CES5A: variants seen among roughly 807,000 people sequenced by gnomAD.
CES5A encodes the protein carboxylesterase 5.
Under a neutral mutation model 62.9 loss-of-function variants are expected in CES5A, and 67 were observed. The observed-to-expected ratio is 1.07, with a 90% CI of 0.88 to 1.31. The LOEUF (loss-of-function observed/expected upper bound fraction) is 1.31. CES5A is among the 50% of genes most tolerant of loss of function. The pLI is 0.00. For synonymous variants in CES5A, 296 were observed against 280.8 expected (o/e 1.05, Z -0.54); for missense variants, 748 against 708.5 (o/e 1.06, Z -0.63).
intron 5 of CES5A, among the ~76,000 whole-genome samples, chr16:55,864,712 T>C (rs778303763): frequency 6.6e-6 from 1 of 151,706 alleles, no homozygotes; most frequent in Non-Finnish European, 1.5e-5. Flanking sequence ...CTGGGCAATA[T>C]AGCTAGACCC....
At chr16:55,916,993 C>T (rs1433676011) in intron 1 of CES5A, among the ~76,000 whole-genome samples, 3 of 152,182 alleles carry the variant, frequency 2.0e-5, no homozygotes, top group African/African-American at 7.2e-5. Context: ...GACACCACAC[C>T]CTTCTGCTCT....
intron 2 of CES5A, among the ~76,000 whole-genome samples, chr16:55,931,552 G>C (rs947051497): frequency 6.6e-6 from 1 of 152,178 alleles, no homozygotes; most frequent in African/African-American, 2.4e-5. Flanking sequence ...CCACATTGCA[G>C]TCATTCTGGA....
rs140435669 is a variant in CES5A at position 55,944,402 on chromosome 16, C to T, written c.160+5383G>A. ...TTTTTGGGGAGAGGGAAGCCAGGGGCATCTTCTAGTCCCTGCAGTGCGGTC... is the reference window on the plus strand; with the variant it reads ...TTTTTGGGGAGAGGGAAGCCAGGGGTATCTTCTAGTCCCTGCAGTGCGGTC... On this transcript the variant is annotated intron_variant, in intron 2 of 13. Coordinates refer to the CES5A transcript ENST00000521992. The T allele has an allele frequency of 6.5e-5, 23 of 353,110 alleles. No homozygotes were observed. The East Asian group carries it at 8.4e-4, about 13-fold the overall frequency. 21.9% of individuals were successfully genotyped at this position (353,110 alleles called of 1,614,324 possible).
chr16:55,846,468 AAAAG>A lies in CES5A; in HGVS notation c.1707_1710del (p.Phe570SerfsTer47). 1 of 1,613,688 alleles carries A rather than the reference AAAAG, an allele frequency of 6.2e-7. No individual in the cohort carries two copies. Among genetic ancestry groups the A allele is most frequent in the Non-Finnish European group, 8.5e-7 (1 of 1,179,662 alleles). On this transcript the variant is annotated frameshift_variant, in exon 13 of 13. Transcript: ENST00000290567. LOFTEE classifies it high-confidence loss of function. Reference sequence around the variant, plus strand: ...ATAACTTCTCAAGGAGCACAAAAGAAAAAGAAAGGCTGGAGGAGAGAGAGGAAAG... The same window carrying A: ...ATAACTTCTCAAGGAGCACAAAAGAAAAAGGCTGGAGGAGAGAGAGGAAAG...
At chr16:55,857,949 C>T (rs1474447973) in intron 8 of CES5A, among the ~76,000 whole-genome samples, 1 of 152,212 alleles carries the variant, frequency 6.6e-6, no homozygotes, top group African/African-American at 2.4e-5. Flanking sequence ...AATTCCAGCA[C>T]TTTGGGAGGC....
At position 55,874,030 on chromosome 16, in the gene CES5A, AG is replaced by A. The variant is rs1360849890; in HGVS notation, c.80del (p.Ser27LeufsTer28). ...WVLAAPTKGP[S>X]AEGPQRNTRL... ...TGGTGTTCCTCTGTGGCCCTTCAGC[AG>A]AAGGCCCTGCGGGAACACATGGGAG... On this transcript the variant is annotated frameshift_variant, in exon 2 of 13. Coordinates refer to ENST00000290567, the MANE Select transcript of CES5A (RefSeq NM_001143685.2). LOFTEE classifies it high-confidence loss of function. The A allele has an allele frequency of 3.1e-6, 5 of 1,603,710 alleles. No homozygotes were observed. The highest frequency in any genetic ancestry group is 4.3e-6 in the Non-Finnish European group (5 of 1,175,818).
chr16:55,860,154 C>T (rs1415832272), intron 7 of CES5A, among the ~76,000 whole-genome samples: 2 of 151,120 alleles, frequency 1.3e-5, no homozygotes, highest in Admixed American at 1.3e-4. Flanking sequence ...CCTGAACAAG[C>T]TTTTTTTTTG....
intron 2 of CES5A, chr16:55,949,705 G>T: frequency 2.1e-6 from 1 of 476,076 alleles, no homozygotes; most frequent in Non-Finnish European, 3.5e-6. Context: ...GCCACCAATG[G>T]AACCATGGAC....
In CES5A at chr16:55,846,438, G is replaced by C. The variant is rs775050992; in HGVS notation, c.*13C>G. 3 of 1,602,916 alleles carry C rather than the reference G, an allele frequency of 1.9e-6. 1 individual carries two copies. In the South Asian group the frequency reaches 3.3e-5, roughly 18 times the overall value. ...GAGGAGAAGGGAAACCAAAATCACAGAAAGATAACTTCTCAAGGAGCACAA... is the reference window on the plus strand; with the variant it reads ...GAGGAGAAGGGAAACCAAAATCACACAAAGATAACTTCTCAAGGAGCACAA... On this transcript the variant is annotated 3_prime_UTR_variant, in exon 13 of 13. Coordinates refer to ENST00000290567, the MANE Select transcript of CES5A (RefSeq NM_001143685.2).
intron 1 of CES5A, among the ~76,000 whole-genome samples, chr16:55,890,218 A>G (rs1291283125): frequency 6.9e-6 from 1 of 145,668 alleles, no homozygotes; most frequent in Non-Finnish European, 1.6e-5. Flanking sequence ...GAAGAATTCC[A>G]AGACAACTTG....
intron 9 of CES5A, among the ~76,000 whole-genome samples, chr16:55,853,352 A>G (rs2142386642): frequency 6.6e-6 from 1 of 152,350 alleles, no homozygotes; most frequent in South Asian, 2.1e-4. Context: ...TGGCTGCATC[A>G]TCGTGGAGCT....
At chr16:55,854,844 T>C (rs1168917339) in intron 9 of CES5A, among the ~76,000 whole-genome samples, 2 of 152,070 alleles carry the variant, frequency 1.3e-5, no homozygotes, top group Admixed American at 1.3e-4. Context: ...AGAGGGCTTT[T>C]TCTAAAATAG....
intron 1 of CES5A, among the ~76,000 whole-genome samples, chr16:55,953,426 C>T (rs2034578560): frequency 6.6e-6 from 1 of 151,962 alleles, no homozygotes; most frequent in African/African-American, 2.4e-5. Context: ...CAGAAAAATC[C>T]ACAAGAACCA....
Position 55,851,358 on chromosome 16 carries a change from T to C in CES5A, c.1273+1523A>G, listed in dbSNP as rs556493942. ...TCTTAAACGTTTCTCCAAAAACATA[T>C]ATACAAATGTCCAATAAGCACATGA... On this transcript the variant is annotated intron_variant, in intron 10 of 12. Coordinates refer to ENST00000290567, the MANE Select transcript of CES5A (RefSeq NM_001143685.2). Among the ~76,000 whole-genome samples the C allele has an allele frequency of 7.9e-5, 12 of 152,228 alleles. No individual in the cohort carries two copies. In the South Asian group the frequency reaches 2.5e-3, roughly 32 times the overall value.
At chr16:55,950,905 A>T (rs1448061904) in intron 1 of CES5A, among the ~76,000 whole-genome samples, 1 of 151,980 alleles carries the variant, frequency 6.6e-6, no homozygotes, top group African/African-American at 2.4e-5. Flanking sequence ...GATCGAGACC[A>T]TCCTGGCTAA....
In CES5A at chr16:55,918,946, G is replaced by A. The variant is rs150763742; in HGVS notation, c.-256+6377C>T. On this transcript the variant is annotated intron_variant, in intron 1 of 12. Coordinates refer to the CES5A transcript ENST00000518005. ...ATCCAGGGTGAGTATCTCTACCAGG[G>A]TGGGTCTTCAGAGTGTAATCAAGGT... Among the ~76,000 whole-genome samples, 19 of 152,302 alleles carry A rather than the reference G, an allele frequency of 1.2e-4. No homozygotes were observed. In the East Asian group the frequency reaches 3.5e-3, roughly 28 times the overall value.
chr16:55,898,205 C>T (rs954404497), intron 1 of CES5A, among the ~76,000 whole-genome samples: 1 of 152,076 alleles, frequency 6.6e-6, no homozygotes, highest in Non-Finnish European at 1.5e-5. Flanking sequence ...ACACATTATA[C>T]TTCAATTAAA....
chr16:55,907,821 C>CCCTTCTTG (rs1295417374), intron 1 of CES5A, among the ~76,000 whole-genome samples: 1 of 152,154 alleles, frequency 6.6e-6, no homozygotes, highest in African/African-American at 2.4e-5. Context: ...CTGTCACTGT[C>CCCTTCTTG]CCTTCTTGTG....
intron 2 of CES5A, among the ~76,000 whole-genome samples, chr16:55,935,729 A>G (rs1281194905): frequency 6.6e-6 from 1 of 151,918 alleles, no homozygotes; most frequent in East Asian, 1.9e-4. Flanking sequence ...GTCTGTGTGT[A>G]ACTTCTTTGC....
Sources: allele counts gnomAD v4.1 joint callset (sites outside exome capture counted in the v4.1 genomes callset), GRCh38; gene constraint gnomAD v4.1.1; transcripts MANE v1.5; gene names NCBI Gene and HGNC (gene_info 2026-07-23, HGNC 2026-07-21).